CRACR2A: variants seen among roughly 807,000 people sequenced by gnomAD.
CRACR2A encodes calcium release activated channel regulator 2A.
CRACR2A carries 79 observed loss-of-function variants against 90.5 expected under a neutral mutation model. The ratio of observed to expected loss-of-function variants is 0.87; its 90% confidence interval spans 0.73 to 1.05. The LOEUF is 1.05. CRACR2A is among the 50% of genes least tolerant of loss of function. The pLI, the probability that CRACR2A is intolerant of heterozygous loss-of-function variation, is 0.00. For missense variants in CRACR2A, 823 were observed against 897.2 expected (o/e 0.92, Z 1.06); for synonymous variants, 338 against 356.7 (o/e 0.95, Z 0.59).
chr12:3,675,247 A>C (rs1945317047), intron 6 of CRACR2A, among the ~76,000 whole-genome samples: 2 of 152,204 alleles, frequency 1.3e-5, no homozygotes, highest in African/African-American at 4.8e-5. Flanking sequence ...TGTTAGTGTC[A>C]TGCTAGCAAT....
chr12:3,709,594 A>G (rs2137761378), intron 3 of CRACR2A, among the ~76,000 whole-genome samples: 1 of 152,304 alleles, frequency 6.6e-6, no homozygotes, highest in South Asian at 2.1e-4. Flanking sequence ...CCTGGCCAAC[A>G]TGGTGAAACT....
rs556250227 is a variant in CRACR2A at position 3,615,583 on chromosome 12, T to C, written c.2112-144A>G. On this transcript the variant is annotated intron_variant, in intron 19 of 19. Transcript: ENST00000440314. Reference sequence around the variant, plus strand: ...CTCACCACGGCATCAGAGAGAGTCCTGAACATCCCCCCCTGGACAGTACAG... The same window carrying C: ...CTCACCACGGCATCAGAGAGAGTCCCGAACATCCCCCCCTGGACAGTACAG... 134 of 637,628 alleles carry C rather than the reference T, an allele frequency of 2.1e-4. No homozygotes were observed. In the African/African-American group the frequency reaches 2.3e-3, roughly 11 times the overall value. The allele number at this position is 637,628 out of a possible 1,614,324, so 39.5% of individuals were successfully genotyped here. A position where few individuals can be genotyped will look rare whatever the true frequency, so the allele number is the denominator to read the frequency against.
At chr12:3,684,050 C>A (rs1437291819) in intron 4 of CRACR2A, among the ~76,000 whole-genome samples, 1 of 152,184 alleles carries the variant, frequency 6.6e-6, no homozygotes, top group Non-Finnish European at 1.5e-5. Flanking sequence ...GGCTCCTTTA[C>A]CTTCCTAGTC....
chr12:3,620,681 A>G (rs1257869874), intron 17 of CRACR2A, among the ~76,000 whole-genome samples: 3 of 152,216 alleles, frequency 2.0e-5, no homozygotes, highest in Non-Finnish European at 4.4e-5. Flanking sequence ...CTTTTCCTCT[A>G]GATTCTTATT....
At chr12:3,663,286 A>G (rs558848251) in intron 7 of CRACR2A, among the ~76,000 whole-genome samples, 1 of 152,020 alleles carries the variant, frequency 6.6e-6, no homozygotes, top group African/African-American at 2.4e-5. Context: ...AGAACTTCAG[A>G]TTTGGAAGGT....
intron 17 of CRACR2A, among the ~76,000 whole-genome samples, chr12:3,626,055 TTTTCTCA>T (rs1170875692): frequency 5.3e-5 from 8 of 152,246 alleles, no homozygotes; most frequent in Non-Finnish European, 7.3e-5. Context: ...AAAACTTGCA[TTTTCTCA>T]TTTGTAAGTG....
At chr12:3,641,874 A>G (rs2137381699) in intron 12 of CRACR2A, 36 bp from the exon 13 acceptor site, 4 of 1,536,228 alleles carry the variant, frequency 2.6e-6, no homozygotes, top group Non-Finnish European at 3.5e-6. Flanking sequence ...ATCCATGCCT[A>G]TTTGCTCCGA....
rs189501725 is a variant in CRACR2A at position 3,672,056 on chromosome 12, C to G, written c.671+1390G>C. On this transcript the variant is annotated intron_variant, in intron 7 of 19. Coordinates refer to ENST00000440314, the MANE Select transcript of CRACR2A (RefSeq NM_001144958.2). ...TCTCTGAGCTTTGGGAGCCTCTCCCCAGAATGTTCTTAACAGTTCTCCAGC... is the reference window on the plus strand; with the variant it reads ...TCTCTGAGCTTTGGGAGCCTCTCCCGAGAATGTTCTTAACAGTTCTCCAGC... 5.9e-3 allele frequency among the ~76,000 whole-genome samples: 898 copies of G among 152,298 alleles called. 7 individuals carry two copies. Among genetic ancestry groups the G allele is most frequent in the Non-Finnish European group, 7.6e-3 (515 of 68,030 alleles).
rs1339884150 is a variant in CRACR2A, at chr12:3,691,435, A to AAGTTTCTTTT, written c.228+5327_228+5336dup. ...TGGCTGGATATGAAATTCTGGGTTG[A>AAGTTTCTTTT]AGTTTCTTTTATTTATGTATGTTGA... On this transcript the variant is annotated intron_variant, in intron 4 of 19. Coordinates refer to ENST00000440314, the MANE Select transcript of CRACR2A (RefSeq NM_001144958.2). 2.0e-5 allele frequency among the ~76,000 whole-genome samples: 3 copies of AAGTTTCTTTT among 152,142 alleles called. No homozygotes were observed. The East Asian group carries it at 5.8e-4, about 29-fold the overall frequency.
In CRACR2A at chr12:3,654,300, C is replaced by T. The variant is rs767731964; in HGVS notation, c.958G>A (p.Glu320Lys). Residue 320 changes from glutamate to lysine, a missense_variant, in exon 10 of 20, where the codon GAG (glutamate) becomes AAG (lysine). By Grantham distance (56) the Glu-to-Lys change is moderately conservative. Transcript: ENST00000440314. ...LTNQELAREL[E>K]RTSWELQDAQ... ...TCCTGGAGCTCCCAGGAAGTCCGCT[C>T]CAGCTCCCGGGCCAGCTCCTGGTTA... The T allele has an allele frequency of 1.5e-5, 25 of 1,613,856 alleles. No individual in the cohort carries two copies. Among genetic ancestry groups the T allele is most frequent in the Non-Finnish European group, 1.9e-5 (23 of 1,179,982 alleles).
intron 3 of CRACR2A, among the ~76,000 whole-genome samples, chr12:3,705,381 A>C (rs181416576): frequency 1.3e-5 from 2 of 152,318 alleles, no homozygotes; most frequent in African/African-American, 4.8e-5. Flanking sequence ...TCAAACCTAA[A>C]TCCCTCCTAA....
At chr12:3,734,865 G>A (rs950755475) in intron 1 of CRACR2A, among the ~76,000 whole-genome samples, 5 of 152,068 alleles carry the variant, frequency 3.3e-5, no homozygotes, top group African/African-American at 1.2e-4. Context: ...GGGGCTGTAG[G>A]TGGCGAGAGA....
chr12:3,662,595 AAG>A (rs1945057841), intron 7 of CRACR2A, among the ~76,000 whole-genome samples: 1 of 152,180 alleles, frequency 6.6e-6, no homozygotes, highest in African/African-American at 2.4e-5. Flanking sequence ...CCCCAGGGGG[AAG>A]AGAGTCTTGG....
Position 3,713,588 on chromosome 12 carries a change from G to C in CRACR2A, c.-117-271C>G, listed in dbSNP as rs150279311. Among the ~76,000 whole-genome samples the C allele has an allele frequency of 6.6e-5, 10 of 152,282 alleles. No individual in the cohort carries two copies. In the East Asian group the frequency reaches 1.7e-3, roughly 26 times the overall value. On this transcript the variant is annotated intron_variant, in intron 2 of 19. Transcript: ENST00000440314. ...GGAGCAGGCCCTTGTGCATGAGAAG[G>C]GGGTAGCCTCAGGGTTAATTGGACA...
intron 4 of CRACR2A, among the ~76,000 whole-genome samples, chr12:3,686,860 C>T (rs1225702954): frequency 6.6e-6 from 1 of 152,214 alleles, no homozygotes; most frequent in Non-Finnish European, 1.5e-5. Flanking sequence ...CCATCATCTG[C>T]TACCCCTAGA....
chr12:3,708,476 G>C (rs949713748), intron 3 of CRACR2A, among the ~76,000 whole-genome samples: 1 of 152,164 alleles, frequency 6.6e-6, no homozygotes, highest in African/African-American at 2.4e-5. Flanking sequence ...CCAGGCTGGA[G>C]TGCAGTGGCG....
At chr12:3,628,852 G>A (rs1305401271) in intron 15 of CRACR2A, among the ~76,000 whole-genome samples, 2 of 152,128 alleles carry the variant, frequency 1.3e-5, no homozygotes, top group East Asian at 1.9e-4. Context: ...GGCAGTAAAT[G>A]GAAACGGTCA....
chr12:3,685,664 C>T (rs146923600), intron 4 of CRACR2A, among the ~76,000 whole-genome samples: 13 of 152,314 alleles, frequency 8.5e-5, no homozygotes, highest in Admixed American at 3.3e-4. Flanking sequence ...CACCTATATA[C>T]GATACCTTGA....
chr12:3,658,417 A>G (rs1944957019), intron 8 of CRACR2A, among the ~76,000 whole-genome samples: 1 of 151,940 alleles, frequency 6.6e-6, no homozygotes, highest in Non-Finnish European at 1.5e-5. Context: ...TGTTCTCAGG[A>G]ACTATTTTGG....
Sources: allele counts gnomAD v4.1 joint callset (sites outside exome capture counted in the v4.1 genomes callset), GRCh38; gene constraint gnomAD v4.1.1; transcripts MANE v1.5; gene names NCBI Gene and HGNC (gene_info 2026-07-23, HGNC 2026-07-21).